SORBS3: variants seen among roughly 807,000 people sequenced by gnomAD.
SORBS3 encodes the protein sorbin and SH3 domain containing 3.
A neutral mutation model predicts 98.0 loss-of-function variants in SORBS3; 69 were observed. That is an observed-to-expected ratio of 0.70 (90% confidence interval 0.58 to 0.86). The LOEUF is 0.86. SORBS3 is among the 40% of genes least tolerant of loss of function. The pLI is 0.00. For synonymous variants in SORBS3, 394 were observed against 355.4 expected (o/e 1.11, Z -1.22); for missense variants, 954 against 908.5 (o/e 1.05, Z -0.64).
Position 22,571,215 on chromosome 8 carries a change from G to A in SORBS3, c.1737G>A (p.Gln579=). The change falls in exon 18 of 21, where the codon CAG becomes CAA. Residue 579 remains glutamine (Q), a synonymous_variant. Transcript: ENST00000240123. ...TCCCCACCCAGGAGCCTAGACCCCA[G>A]ACCCAGGTGAGGTAGCCTGCCTCCA... is the stretch of plus-strand genomic sequence containing the variant. ...FSFPTQEPRP[Q]TQNLGTPGPA... 1 of 1,535,412 alleles carries A rather than the reference G, an allele frequency of 6.5e-7. No individual in the cohort carries two copies. Among genetic ancestry groups the A allele is most frequent in the Non-Finnish European group, 8.7e-7 (1 of 1,143,156 alleles).
At chr8:22,557,655 A>T (rs528077315) in intron 4 of SORBS3, among the ~76,000 whole-genome samples, 22 of 151,802 alleles carry the variant, frequency 1.4e-4, no homozygotes, top group East Asian at 3.9e-4. Context: ...AAAAAAAAAT[A>T]AAATAAAATT....
Position 22,572,329 on chromosome 8 carries a change from G to C in SORBS3, c.1848-11G>C. On this transcript the variant is annotated splice_polypyrimidine_tract_variant and intron_variant, in intron 19 of 20. Transcript: ENST00000240123. ...GCCCATTCTCTGGTTGCCATGATAC[G>C]CTTCTCGCAGGTACCGGGCGATGTA... 3 of 1,611,818 alleles carry C rather than the reference G, an allele frequency of 1.9e-6. No homozygotes were observed. The highest frequency in any genetic ancestry group is 2.5e-6 in the Non-Finnish European group (3 of 1,178,072).
intron 19 of SORBS3, 133 bp downstream of exon 19, chr8:22,571,954 G>C: frequency 1.5e-6 from 1 of 669,944 alleles, no homozygotes; most frequent in Non-Finnish European, 2.7e-6. Context: ...TGTCCTCGAA[G>C]AGCTTATGGT....
At chr8:22,553,577 C>T (rs1470987238) in intron 1 of SORBS3, among the ~76,000 whole-genome samples, 6 of 152,218 alleles carry the variant, frequency 3.9e-5, no homozygotes, top group Non-Finnish European at 7.3e-5. Flanking sequence ...CCTTCCCCAG[C>T]CTTGGGATGA....
At chr8:22,549,523 G>A (rs1049638130), upstream of SORBS3, among the ~76,000 whole-genome samples, 32 of 152,228 alleles carry the variant, frequency 2.1e-4, no homozygotes, top group Non-Finnish European at 1.8e-4. Flanking sequence ...AGGGCAGAAA[G>A]GGAGGAATCA....
chr8:22,554,764 C>A lies in SORBS3; in HGVS notation c.103-99C>A. ...GTTTCCCACAAAATCGTCAGGCGGG[C>A]CTGGGACTGTCACCGAGGGGTGTGG... On this transcript the variant is annotated intron_variant, in intron 2 of 20. Coordinates refer to ENST00000240123, the MANE Select transcript of SORBS3 (RefSeq NM_005775.5). This position sits in a 1 kb window ranked among gnomAD's most constrained non-coding sequence, Gnocchi z 6.5. The A allele has an allele frequency of 7.2e-6, 10 of 1,392,858 alleles. No individual in the cohort carries two copies. The highest frequency in any genetic ancestry group is 8.8e-6 in the Non-Finnish European group (9 of 1,017,788). The allele number at this position is 1,392,858 out of a possible 1,614,324, so 86.3% of individuals were successfully genotyped here.
At chr8:22,549,659 G>A (rs1244756031), upstream of SORBS3, among the ~76,000 whole-genome samples, 1 of 152,192 alleles carries the variant, frequency 6.6e-6, no homozygotes, top group Non-Finnish European at 1.5e-5. Flanking sequence ...ACCCGGCAGA[G>A]CCCAGGCCTA....
chr8:22,564,877 G>A (rs939689153), intron 10 of SORBS3: 10 of 1,284,400 alleles, frequency 7.8e-6, no homozygotes, highest in Non-Finnish European at 9.9e-6. Context: ...CGTGGGGGTG[G>A]GGGCTCCGGT....
intron 10 of SORBS3, chr8:22,565,026 A>C: frequency 7.2e-7 from 1 of 1,395,750 alleles, no homozygotes. Context: ...GGACTGCGGA[A>C]TCGCGGGATC....
rs368264093 is a variant in SORBS3 at position 22,570,932 on chromosome 8, G to T, written c.1454G>T (p.Arg485Leu). The T allele has an allele frequency of 1.2e-6, 2 of 1,606,422 alleles. No individual in the cohort carries two copies. Among genetic ancestry groups the T allele is most frequent in the Non-Finnish European group, 1.7e-6 (2 of 1,174,858 alleles). Residue 485 changes from arginine (R) to leucine (L), a missense_variant, in exon 18 of 21, where the codon CGC becomes CTC. By Grantham distance (102) the Arg-to-Leu change is moderately radical (BLOSUM62 -2). Transcript: ENST00000240123. ...CAGGGAGAGCACATCTGCCTGATCC[G>T]CAAGGTGAACGAGAACTGGTACGAG... Reference protein sequence around the residue: ...FRKGEHICLIRKVNENWYEGR... With the variant: ...FRKGEHICLILKVNENWYEGR...
Position 22,566,874 on chromosome 8 carries a change from C to T in SORBS3, c.1190+6C>T, listed in dbSNP as rs1288220589. 1.0e-5 allele frequency: 16 copies of T among 1,607,508 alleles called. No homozygotes were observed. Among genetic ancestry groups the T allele is most frequent in the African/African-American group, 1.3e-5 (1 of 74,814 alleles). On this transcript the variant is annotated splice_donor_region_variant and intron_variant, in intron 15 of 20. Transcript: ENST00000240123. The stretch of plus-strand genomic sequence containing the variant: ...TTCCAGGCGCAGTCCCCCAAGTAAG[C>T]GCCCTCCTCCCCCTCCCCTTCCACC...
intron 3 of SORBS3, among the ~76,000 whole-genome samples, chr8:22,555,360 A>G (rs1840164815): frequency 3.3e-5 from 5 of 152,142 alleles, no homozygotes; most frequent in Admixed American, 1.3e-4. Flanking sequence ...CCAACAGGCT[A>G]CCCAGCAGGA....
At chr8:22,569,324 G>A (rs1840509954) in intron 17 of SORBS3, 51 bp downstream of exon 17, 3 of 1,457,976 alleles carry the variant, frequency 2.1e-6, no homozygotes, top group East Asian at 2.6e-5. Flanking sequence ...GAAGATGTAG[G>A]TAAATATGTG....
chr8:22,561,310 G>A (rs537694362), intron 5 of SORBS3, 25 bp from the exon 6 acceptor site: 36 of 1,575,370 alleles, frequency 2.3e-5, no homozygotes, highest in Non-Finnish European at 3.0e-5. Flanking sequence ...CCCGTCCCAT[G>A]ACCTGGTCCC....
At position 22,567,412 on chromosome 8, in the gene SORBS3, C is replaced by T. The variant is rs559409787; in HGVS notation, c.1305+237C>T. 8.5e-5 allele frequency among the ~76,000 whole-genome samples: 13 copies of T among 152,350 alleles called. No homozygotes were observed. The South Asian group carries it at 2.7e-3, about 32-fold the overall frequency. ...GAGGACCCAGCAGCCAGCTCCTCAA[C>T]CATTCGTGTCCCAGACTTTCACCAT... is the stretch of plus-strand genomic sequence containing the variant. On this transcript the variant is annotated intron_variant, in intron 16 of 20. Transcript: ENST00000240123.
Position 22,551,994 on chromosome 8 carries a change from CG to C in SORBS3, c.-81del, listed in dbSNP as rs1840091259. 1.0e-6 allele frequency: 1 copy of C among 984,146 alleles called. No individual in the cohort carries two copies. The highest frequency in any genetic ancestry group is 4.7e-5 in the South Asian group (1 of 21,240). 61.0% of individuals were successfully genotyped at this position (984,146 alleles called of 1,614,324 possible). On this transcript the variant is annotated 5_prime_UTR_variant, in exon 1 of 21. It removes the in-frame stop codon of an upstream open reading frame in the 5' UTR. Coordinates refer to ENST00000240123, the MANE Select transcript of SORBS3 (RefSeq NM_005775.5). The surrounding 1 kb of genome is among the most constrained non-coding windows in gnomAD (Gnocchi z 5.8). ...ATGCTCCTGCGCTCCCGGGCGGCCT[CG>C]GGCCCAGCCACCTGCTCGCCGGGGA...
At chr8:22,569,555 G>C (rs1332767690) in intron 17 of SORBS3, among the ~76,000 whole-genome samples, 1 of 152,058 alleles carries the variant, frequency 6.6e-6, no homozygotes, top group African/African-American at 2.4e-5. Flanking sequence ...GGCCAGGATG[G>C]TCTCAGTCTC....
chr8:22,562,341 AG>A (rs1333352388), intron 7 of SORBS3, among the ~76,000 whole-genome samples: 1 of 152,198 alleles, frequency 6.6e-6, no homozygotes, highest in African/African-American at 2.4e-5. Context: ...AGAGAAAACA[AG>A]GGATATGGAA....
intron 16 of SORBS3, 42 bp downstream of exon 16, chr8:22,567,217 G>A: frequency 7.4e-7 from 1 of 1,360,280 alleles, no homozygotes; most frequent in Non-Finnish European, 1.0e-6. Flanking sequence ...GGGCTGGGAG[G>A]GCGCAGGGGT....
Sources: allele counts gnomAD v4.1 joint callset (sites outside exome capture counted in the v4.1 genomes callset), GRCh38; gene constraint gnomAD v4.1.1; non-coding constraint Gnocchi (gnomAD v3.1); transcripts MANE v1.5; gene names NCBI Gene and HGNC (gene_info 2026-07-23, HGNC 2026-07-21).